The following RGS17 variants were observed in gnomAD, a reference collection of about 807,000 sequenced individuals.
RGS17 encodes the protein regulator of G protein signaling 17.
RGS17 carries 12 observed loss-of-function variants against 25.5 expected under a neutral mutation model. The ratio of observed to expected loss-of-function variants is 0.47; its 90% CI spans 0.30 to 0.76. The LOEUF (loss-of-function observed/expected upper bound fraction) is 0.76, where lower values mean the gene tolerates loss of function less well. RGS17 is among the 30% of genes least tolerant of loss of function. RGS17 has a pLI of 0.07. For synonymous variants in RGS17, 71 were observed against 76.9 expected, an observed-to-expected ratio of 0.92 and a Z score of 0.40; for missense variants, 196 against 242.2, an observed-to-expected ratio of 0.81 and a Z score of 1.27.
intron 1 of RGS17, among the ~76,000 whole-genome samples, chr6:153,128,981 C>T (rs796344458): frequency 1.1e-4 from 17 of 152,230 alleles, no homozygotes; most frequent in African/African-American, 3.6e-4. Flanking sequence ...TAACAGACAC[C>T]TTATGTTATT....
At chr6:153,074,726 C>T (rs772217454) in intron 1 of RGS17, among the ~76,000 whole-genome samples, 8 of 152,122 alleles carry the variant, frequency 5.3e-5, no homozygotes, top group African/African-American at 1.9e-4. Context: ...CAGCAATCTT[C>T]GCTCTCATCA....
At chr6:153,046,197 G>C (rs1449097383) in intron 1 of RGS17, among the ~76,000 whole-genome samples, 1 of 147,662 alleles carries the variant, frequency 6.8e-6, no homozygotes, top group Non-Finnish European at 1.5e-5. Context: ...GGGAAGGGTA[G>C]GAGTAAGGGA....
intron 4 of RGS17, among the ~76,000 whole-genome samples, chr6:153,021,317 T>A (rs572438845): frequency 3.4e-4 from 51 of 152,236 alleles, no homozygotes; most frequent in African/African-American, 9.2e-4. Flanking sequence ...GAAAACAAAA[T>A]CTGAAGAGTG....
At chr6:153,015,881 C>G (rs973451566) in intron 4 of RGS17, among the ~76,000 whole-genome samples, 3 of 152,090 alleles carry the variant, frequency 2.0e-5, no homozygotes, top group Non-Finnish European at 4.4e-5. Context: ...TCTCAATCTC[C>G]TGACCTCGTG....
At chr6:153,112,660 G>C (rs1367065434) in intron 1 of RGS17, among the ~76,000 whole-genome samples, 1 of 152,120 alleles carries the variant, frequency 6.6e-6, no homozygotes, top group Non-Finnish European at 1.5e-5. Flanking sequence ...AAAATGTTAA[G>C]GGCAGCCAGA....
At position 153,019,186 on chromosome 6, in the gene RGS17, A is replaced by G. The variant is rs571280871; in HGVS notation, c.444+5076T>C. Among the ~76,000 whole-genome samples the G allele has an allele frequency of 2.0e-5, 3 of 152,328 alleles. No homozygotes were observed. In the South Asian group the frequency reaches 6.2e-4, roughly 32 times the overall value. ...AGGACGTGGAGGTTCCAGCGCACTA[A>G]AGCGAGCTGCTAAGTGGCTCACAGA... On this transcript the variant is annotated intron_variant, in intron 4 of 4. Transcript: ENST00000206262.
intron 1 of RGS17, among the ~76,000 whole-genome samples, chr6:153,118,996 G>A (rs908068399): frequency 3.3e-5 from 5 of 151,958 alleles, no homozygotes; most frequent in East Asian, 3.9e-4. Context: ...GTACATATAT[G>A]AATATATGCA....
chr6:153,045,052 G>A (rs1437365094), intron 1 of RGS17, among the ~76,000 whole-genome samples: 4 of 152,028 alleles, frequency 2.6e-5, no homozygotes. Flanking sequence ...AGTGCTTCAG[G>A]TTATTTTGGC....
At position 153,005,295 on chromosome 6, in the gene RGS17, T is replaced by G. The variant is rs1488040063; in HGVS notation, c.*6279A>C. 1 of 152,232 alleles carries G rather than the reference T, an allele frequency of 6.6e-6. No homozygotes were observed. The highest frequency in any genetic ancestry group is 1.5e-5 in the Non-Finnish European group (1 of 68,038). 9.4% of individuals were successfully genotyped at this position (152,232 alleles called of 1,614,324 possible). A position where few individuals can be genotyped will look rare whatever the true frequency, so the allele number is the denominator to read the frequency against. On this transcript the variant is annotated 3_prime_UTR_variant, in exon 5 of 5. Transcript: ENST00000206262. ...CACTTTCACCTCTATTAGGTGAATA[T>G]TCAGGCTAAGACTTCTGGAGTTTTA...
intron 1 of RGS17, among the ~76,000 whole-genome samples, chr6:153,088,965 T>A (rs148590334): frequency 2.6e-3 from 392 of 152,270 alleles, no homozygotes; most frequent in Non-Finnish European, 4.7e-3. Flanking sequence ...TATTTGAAAT[T>A]GCTCACCTAA....
intron 2 of RGS17, among the ~76,000 whole-genome samples, chr6:153,039,401 G>A (rs1776293004): frequency 6.6e-6 from 1 of 152,116 alleles, no homozygotes; most frequent in South Asian, 2.1e-4. Flanking sequence ...CTGCAAGCTG[G>A]AGCCAGGGCT....
intron 1 of RGS17, among the ~76,000 whole-genome samples, chr6:153,121,961 G>GA: frequency 6.6e-6 from 1 of 152,222 alleles, no homozygotes; most frequent in Non-Finnish European, 1.5e-5. Context: ...GAATTAATGG[G>GA]AAAAAATTAC....
At chr6:153,068,902 G>A (rs1776744897) in intron 1 of RGS17, among the ~76,000 whole-genome samples, 1 of 152,050 alleles carries the variant, frequency 6.6e-6, no homozygotes, top group Non-Finnish European at 1.5e-5. Flanking sequence ...GCTACAATGA[G>A]ATATCATCTC....
At chr6:153,019,677 G>A (rs954565283) in intron 4 of RGS17, among the ~76,000 whole-genome samples, 1 of 152,088 alleles carries the variant, frequency 6.6e-6, no homozygotes, top group Non-Finnish European at 1.5e-5. Flanking sequence ...TGATGTACTT[G>A]ATCTCCCTTC....
rs958584961 is a variant in RGS17 at position 153,010,777 on chromosome 6, T to C, written c.*797A>G. The C allele has an allele frequency of 6.6e-6, 1 of 151,998 alleles. No homozygotes were observed. The highest frequency in any genetic ancestry group is 1.5e-5 in the Non-Finnish European group (1 of 67,894). 9.4% of individuals were successfully genotyped at this position (151,998 alleles called of 1,614,324 possible). ...ATTACAGTATTGGACATCTGATATATACATAAATTCATTTTCTTCTATTAC... is the reference window on the plus strand; with the variant it reads ...ATTACAGTATTGGACATCTGATATACACATAAATTCATTTTCTTCTATTAC... On this transcript the variant is annotated 3_prime_UTR_variant, in exon 5 of 5. Transcript: ENST00000206262.
intron 2 of RGS17, among the ~76,000 whole-genome samples, chr6:153,038,333 T>G (rs896633807): frequency 6.6e-6 from 1 of 152,214 alleles, no homozygotes. Flanking sequence ...TTTGTGTATA[T>G]GGCCTGAGAA....
chr6:153,011,778 A>G lies in RGS17; in HGVS notation c.445-16T>C, dbSNP rs1779135983. Reference sequence around the variant, plus strand: ...CAAGACTGACCTAAAAAGAAACAAGAGCAAATACATTAAATAATATTTTTT... The same window carrying G: ...CAAGACTGACCTAAAAAGAAACAAGGGCAAATACATTAAATAATATTTTTT... On this transcript the variant is annotated splice_polypyrimidine_tract_variant and intron_variant, in intron 4 of 4. Coordinates refer to ENST00000206262, the MANE Select transcript of RGS17 (RefSeq NM_012419.5). 2 of 1,534,404 alleles carry G rather than the reference A, an allele frequency of 1.3e-6. No individual in the cohort carries two copies. Among genetic ancestry groups the G allele is most frequent in the Middle Eastern group, 1.7e-4 (1 of 5,746 alleles).
intron 1 of RGS17, among the ~76,000 whole-genome samples, chr6:153,113,301 C>T (rs1308664870): frequency 6.6e-6 from 1 of 152,224 alleles, no homozygotes; most frequent in African/African-American, 2.4e-5. Context: ...ATAAAACAGA[C>T]TTTAAACCAA....
intron 1 of RGS17, among the ~76,000 whole-genome samples, chr6:153,102,628 T>TA (rs1435725719): frequency 1.3e-5 from 2 of 151,976 alleles, no homozygotes; most frequent in Admixed American, 6.6e-5. Flanking sequence ...GATGGTTCCT[T>TA]AGAGTTTCTC....
Sources: gnomAD v4.1 joint callset for allele counts (sites outside exome capture counted in the v4.1 genomes callset) on GRCh38, gnomAD v4.1.1 for gene constraint, MANE v1.5 for transcripts, NCBI Gene and HGNC (gene_info 2026-07-23, HGNC 2026-07-21) for gene names.